SLC12A7: variants seen among roughly 807,000 people sequenced by gnomAD.
SLC12A7 encodes K-Cl cotransporter 4.
A neutral mutation model predicts 120.6 loss-of-function variants in SLC12A7; 100 were observed. The observed-to-expected ratio is 0.83, with a 90% CI of 0.71 to 0.98. SLC12A7 has a LOEUF of 0.98. Ranked by LOEUF, SLC12A7 falls within the 50% of genes least tolerant of loss-of-function variation. SLC12A7 has a pLI of 0.00. For synonymous variants in SLC12A7, 760 were observed against 678.0 expected, an observed-to-expected ratio of 1.12 and a Z score of -1.88; for missense variants, 1,373 against 1,548.1, an observed-to-expected ratio of 0.89 and a Z score of 1.90.
chr5:1,084,115 G>A (rs1182070409), intron 7 of SLC12A7, among the ~76,000 whole-genome samples, 159 bp from the exon 8 acceptor site: 6 of 152,094 alleles, frequency 3.9e-5, no homozygotes, highest in Non-Finnish European at 7.4e-5. Context: ...GCCAGGGACC[G>A]GGCCCAGGCC....
intron 1 of SLC12A7, among the ~76,000 whole-genome samples, chr5:1,111,381 G>A (rs1380997002): frequency 1.3e-5 from 2 of 152,172 alleles, no homozygotes; most frequent in Non-Finnish European, 2.9e-5. Flanking sequence ...CCGCCTCTGG[G>A]GGGTGGGCGG....
At chr5:1,136,606 G>A in the SLC12A7 span, among the ~76,000 whole-genome samples, 1 of 124,692 alleles carries the variant, frequency 8.0e-6, no homozygotes, top group African/African-American at 3.3e-5. Flanking sequence ...AGGACACGCA[G>A]ACACACGTGT....
At chr5:1,088,387 GGA>G (rs1740124741) in intron 4 of SLC12A7, 27 bp from the exon 5 acceptor site, 9 of 1,562,326 alleles carry the variant, frequency 5.8e-6, no homozygotes, top group African/African-American at 5.4e-5. Flanking sequence ...AGCCATCTGA[GGA>G]GAGTTTTCCA....
chr5:1,056,605 G>C (rs2150778448), intron 22 of SLC12A7: 1 of 985,168 alleles, frequency 1.0e-6, no homozygotes, highest in East Asian at 1.1e-4. Flanking sequence ...CTCTATGCAG[G>C]AGAAAAAAAC....
intron 20 of SLC12A7, chr5:1,063,072 T>C (rs6863419): frequency 0.93 from 142,236 of 152,370 alleles, 67,168 homozygotes; most frequent in East Asian, 1. Context: ...GCCCACCAGA[T>C]CCCCAGGATC....
rs1742766260 is a variant in SLC12A7 at position 1,108,829 on chromosome 5, GT to G, written c.124+3038del. On this transcript the variant is annotated intron_variant, in intron 1 of 23. Coordinates refer to ENST00000264930, the MANE Select transcript of SLC12A7 (RefSeq NM_006598.3). ...GGAGGGGGCTCCCAACACGGACACG[GT>G]AGGTAGTTGGAGCAGGAGGGACGGG... Among the ~76,000 whole-genome samples, 9 of 152,298 alleles carry G rather than the reference GT, an allele frequency of 5.9e-5. No homozygotes were observed. The South Asian group carries it at 1.9e-3, about 32-fold the overall frequency.
At chr5:1,131,937 G>A in the SLC12A7 span, among the ~76,000 whole-genome samples, 1 of 152,198 alleles carries the variant, frequency 6.6e-6, no homozygotes, top group African/African-American at 2.4e-5. Context: ...GTTTGAACCA[G>A]AGTGACTCCA....
At chr5:1,109,664 T>C (rs1165790156) in intron 1 of SLC12A7, among the ~76,000 whole-genome samples, 1 of 151,660 alleles carries the variant, frequency 6.6e-6, no homozygotes, top group East Asian at 1.9e-4. Context: ...CATCTACCCC[T>C]CTTTCCCCAG....
rs371278849 is a variant in SLC12A7 at position 1,073,727 on chromosome 5, G to C, written c.2147C>G (p.Ser716Trp). ...VKHPRLLSFT[S>W]QLKAGKGLTI... ...CAGGCCCTTGCCGGCCTTCAGCTGCGACGTGAAGGACAGCAGGCGGGGGTG... is the reference window on the plus strand; with the variant it reads ...CAGGCCCTTGCCGGCCTTCAGCTGCCACGTGAAGGACAGCAGGCGGGGGTG... The change falls in exon 17 of 24, where the codon TCG becomes TGG. Residue 716 changes from serine to tryptophan, a missense_variant. By Grantham distance (177) the Ser-to-Trp change is radical. Coordinates refer to ENST00000264930, the MANE Select transcript of SLC12A7 (RefSeq NM_006598.3). 6.3e-7 allele frequency: 1 copy of C among 1,575,564 alleles called. No homozygotes were observed. The highest frequency in any genetic ancestry group is 8.6e-7 in the Non-Finnish European group (1 of 1,158,636).
intron 1 of SLC12A7, among the ~76,000 whole-genome samples, chr5:1,102,518 G>A (rs1742118309): frequency 6.6e-6 from 1 of 152,230 alleles, no homozygotes; most frequent in Non-Finnish European, 1.5e-5. Context: ...GCAGCTGACA[G>A]GCAGGAGGGG....
At chr5:1,086,354 C>T (rs554472914) in intron 6 of SLC12A7, among the ~76,000 whole-genome samples, 7 of 152,300 alleles carry the variant, frequency 4.6e-5, no homozygotes, top group African/African-American at 1.7e-4. Context: ...CAGCACCCGT[C>T]GGCCAGAGAA....
At position 1,083,807 on chromosome 5, in the gene SLC12A7, A is replaced by C; in HGVS notation, c.1067T>G (p.Phe356Cys). The C allele has an allele frequency of 6.2e-7, 1 of 1,612,114 alleles. No homozygotes were observed. Among genetic ancestry groups the C allele is most frequent in the Non-Finnish European group, 8.5e-7 (1 of 1,179,482 alleles). The change falls in exon 8 of 24, where the codon TTC (phenylalanine) becomes TGC (cysteine). Residue 356 changes from phenylalanine to cysteine, a missense_variant. Transcript: ENST00000264930. ...SQPSAACDEY[F>C]IQNNVTEIQG... ...GATTTCGGTGACGTTGTTCTGGATG[A>C]AGTACTCGTCACAGGCGGCGCTGGG...
intron 22 of SLC12A7, among the ~76,000 whole-genome samples, chr5:1,055,068 A>G (rs1017585984): frequency 6.6e-6 from 1 of 152,172 alleles, no homozygotes; most frequent in African/African-American, 2.4e-5. Flanking sequence ...CTGGTGGAGT[A>G]TGCCGGCCGC....
intron 1 of SLC12A7, among the ~76,000 whole-genome samples, chr5:1,097,330 C>T (rs558217513): frequency 2.2e-4 from 33 of 152,274 alleles, no homozygotes; most frequent in African/African-American, 6.5e-4. Context: ...CCCTGCTCAC[C>T]GCAGCGTCTC....
chr5:1,064,049 G>A (rs1228815348), intron 19 of SLC12A7, 34 bp downstream of exon 19: 1 of 1,600,326 alleles, frequency 6.2e-7, no homozygotes, highest in Non-Finnish European at 8.5e-7. Context: ...GGGTGGCCGT[G>A]CTCCGGCTGG....
intron 22 of SLC12A7, among the ~76,000 whole-genome samples, chr5:1,054,578 C>T (rs1000072327): frequency 7.9e-5 from 12 of 152,324 alleles, no homozygotes; most frequent in East Asian, 5.8e-4. Context: ...AAAGTCGGAG[C>T]GGGTCTCAGG....
At chr5:1,130,998 G>A in the SLC12A7 span, among the ~76,000 whole-genome samples, 2 of 152,100 alleles carry the variant, frequency 1.3e-5, no homozygotes, top group African/African-American at 4.8e-5. Context: ...AGGAGATGGG[G>A]TCCCAGGACA....
chr5:1,075,470 A>G lies in SLC12A7; in HGVS notation c.1868T>C (p.Met623Thr), dbSNP rs772882039. The G allele has an allele frequency of 1.2e-6, 2 of 1,611,242 alleles. No homozygotes were observed. The highest frequency in any genetic ancestry group is 3.3e-5 in the Admixed American group (2 of 59,956). ...GAACATCAGCGCCAGGCACAGGCTC[A>G]TACCCAGAAAGGACAGGGTCCTGGG... ...FYHWTLSFLG[M>T]SLCLALMFIC... The change falls in exon 15 of 24, where the codon ATG becomes ACG. Residue 623 changes from methionine (M) to threonine (T), a missense_variant. Physicochemically the swap from Met to Thr is moderately conservative, Grantham distance 81. Coordinates refer to ENST00000264930, the MANE Select transcript of SLC12A7 (RefSeq NM_006598.3).
At position 1,065,331 on chromosome 5, in the gene SLC12A7, C is replaced by G. The variant is rs200431016; in HGVS notation, c.2389G>C (p.Ala797Pro). Residue 797 changes from alanine (A) to proline (P), a missense_variant, in exon 18 of 24, where the codon GCA (alanine) becomes CCA (proline). By Grantham distance (27) the Ala-to-Pro change is conservative (BLOSUM62 -1). Coordinates refer to ENST00000264930, the MANE Select transcript of SLC12A7 (RefSeq NM_006598.3). ...GGGTTGTCCTCCTGCTTCCAGGATG[C>G]GGGCCAGGCCATGAGCACCGTGTTG... ...KHNTVLMAWP[A>P]SWKQEDNPFS... 5.0e-6 allele frequency: 8 copies of G among 1,598,410 alleles called. No homozygotes were observed. The highest frequency in any genetic ancestry group is 1.7e-5 in the Admixed American group (1 of 58,034).
Sources: allele counts gnomAD v4.1 joint callset (sites outside exome capture counted in the v4.1 genomes callset), GRCh38; gene constraint gnomAD v4.1.1; transcripts MANE v1.5; gene names NCBI Gene and HGNC (gene_info 2026-07-23, HGNC 2026-07-21).